PSMD13: variants seen among roughly 807,000 people sequenced by gnomAD.
The protein encoded by PSMD13 is 26S proteasome non-ATPase regulatory subunit 13.
Under a neutral mutation model 57.4 loss-of-function variants are expected in PSMD13, and 8 were observed. That is an observed-to-expected ratio of 0.14 (90% CI 0.08 to 0.25). The LOEUF (loss-of-function observed/expected upper bound fraction) is 0.25, where lower values mean the gene tolerates loss of function less well. Among genes scored for constraint, PSMD13 ranks in the 10% least tolerant of loss-of-function variants. The pLI is 1.00. For missense variants in PSMD13, 400 were observed against 461.5 expected, an observed-to-expected ratio of 0.87 and a Z score of 1.22; for synonymous variants, 193 against 168.2, an observed-to-expected ratio of 1.15 and a Z score of -1.14.
Position 251,841 on chromosome 11 carries a change from G to C in PSMD13, c.940G>C (p.Ala314Pro). Reference sequence around the variant, plus strand: ...ACAGGTGGAGCTTCTGGTGATGAAGGCCCTTTCGGTGGGGCTGGTGAAAGG... The same window carrying C: ...ACAGGTGGAGCTTCTGGTGATGAAGCCCCTTTCGGTGGGGCTGGTGAAAGG... ...VNEVELLVMK[A>P]LSVGLVKGSI... is the part of the protein sequence containing the mutation. Residue 314 changes from alanine to proline, a missense_variant, in exon 12 of 13, where the codon GCC becomes CCC. Physicochemically the swap from Ala to Pro is conservative, Grantham distance 27. Coordinates refer to ENST00000532097, the MANE Select transcript of PSMD13 (RefSeq NM_002817.4). The surrounding 1 kb of genome is among the most constrained non-coding windows in gnomAD (Gnocchi z 4.6). 6.2e-7 allele frequency: 1 copy of C among 1,614,158 alleles called. No individual in the cohort carries two copies. Among genetic ancestry groups the C allele is most frequent in the Non-Finnish European group, 8.5e-7 (1 of 1,179,990 alleles).
In PSMD13 at chr11:244,477, T is replaced by G; in HGVS notation, c.309+8T>G. The G allele has an allele frequency of 6.4e-7, 1 of 1,573,520 alleles. No homozygotes were observed. Among genetic ancestry groups the G allele is most frequent in the South Asian group, 1.1e-5 (1 of 89,312 alleles). On this transcript the variant is annotated splice_region_variant and intron_variant, in intron 5 of 12. Coordinates refer to ENST00000532097, the MANE Select transcript of PSMD13 (RefSeq NM_002817.4). Reference sequence around the variant, plus strand: ...GAAAAGACTCGTGAGAAGGTAAATGTGGCATGTGGGCAATACCTTTTAGTA... The same window carrying G: ...GAAAAGACTCGTGAGAAGGTAAATGGGGCATGTGGGCAATACCTTTTAGTA...
Position 236,993 on chromosome 11 carries a change from A to C in PSMD13, c.-57A>C. 2.1e-6 allele frequency: 3 copies of C among 1,447,308 alleles called. No homozygotes were observed. The highest frequency in any genetic ancestry group is 2.9e-6 in the Non-Finnish European group (3 of 1,034,378). 89.7% of individuals were successfully genotyped at this position (1,447,308 alleles called of 1,614,324 possible). A position where few individuals can be genotyped will look rare whatever the true frequency, so the allele number is the denominator to read the frequency against. ...AAGTGAGTGAGCATTTCCGGCAGCC[A>C]TCCCCGCGGTGCTGACATCCCGGTT... is the stretch of plus-strand genomic sequence containing the variant. On this transcript the variant is annotated 5_prime_UTR_variant, in exon 1 of 13. Transcript: ENST00000532097.
Position 251,173 on chromosome 11 carries a change from C to T in PSMD13, c.837+308C>T, listed in dbSNP as rs559660730. On this transcript the variant is annotated intron_variant, in intron 10 of 12. Transcript: ENST00000532097. This position sits in a 1 kb window ranked among gnomAD's most constrained non-coding sequence, Gnocchi z 4.6. ...ATGCAGTTGTTGCCTCATTGCATGTCGCTTCTTGTGTACACGCACATCTGT... is the reference window on the plus strand; with the variant it reads ...ATGCAGTTGTTGCCTCATTGCATGTTGCTTCTTGTGTACACGCACATCTGT... 2.2e-5 allele frequency: 10 copies of T among 459,496 alleles called. No individual in the cohort carries two copies. Among genetic ancestry groups the T allele is most frequent in the East Asian group, 2.0e-4 (5 of 25,476 alleles). 28.5% of individuals were successfully genotyped at this position (459,496 alleles called of 1,614,324 possible).
At chr11:249,546 G>A (rs1320281468) in intron 9 of PSMD13, among the ~76,000 whole-genome samples, 1 of 148,372 alleles carries the variant, frequency 6.7e-6, no homozygotes, top group Non-Finnish European at 1.5e-5. Flanking sequence ...TGGGTGCAGG[G>A]AGGGGGAGAG....
intron 6 of PSMD13, among the ~76,000 whole-genome samples, chr11:245,623 C>T (rs1370612988): frequency 6.7e-6 from 1 of 149,550 alleles, no homozygotes; most frequent in African/African-American, 2.5e-5. Flanking sequence ...GTGGCTGGTC[C>T]ACCTGGTTGA....
rs11246033 is a variant in PSMD13, at chr11:246,200, A to C, written c.397-1077A>C. ...TAAGTGTTTCACAACATATGTATCC[A>C]GTCTCCTATTGAAGAGATTTAGGGC... On this transcript the variant is annotated intron_variant, in intron 6 of 12. Transcript: ENST00000532097. 6.5e-3 allele frequency among the ~76,000 whole-genome samples: 990 copies of C among 152,314 alleles called. 1 individual carries two copies. The highest frequency in any genetic ancestry group is 0.011 in the Non-Finnish European group (751 of 68,024).
chr11:243,413 A>T (rs1488345106), intron 2 of PSMD13: 4 of 311,100 alleles, frequency 1.3e-5, no homozygotes, highest in Non-Finnish European at 2.6e-5. Flanking sequence ...CAACAGTCTT[A>T]CTTATGGGGA....
chr11:237,156 G>A lies in PSMD13; in HGVS notation c.95+12G>A. The A allele has an allele frequency of 6.2e-7, 1 of 1,607,534 alleles. No individual in the cohort carries two copies. Among genetic ancestry groups the A allele is most frequent in the Non-Finnish European group, 8.5e-7 (1 of 1,176,476 alleles). On this transcript the variant is annotated intron_variant, in intron 1 of 12. Transcript: ENST00000532097. ...CTCTACACGAAGAAGTGAGCGCCGA[G>A]CAGACGGGCCCTGGGCCCCGGCGAT...
intron 6 of PSMD13, 67 bp downstream of exon 6, chr11:244,828 A>G: frequency 1.5e-6 from 2 of 1,291,986 alleles, no homozygotes; most frequent in East Asian, 2.5e-5. Context: ...AAAAAAAATA[A>G]CCTATTTTTC....
rs771452316 is a variant in PSMD13 at position 244,174 on chromosome 11, T to A, written c.223T>A (p.Ser75Thr). The change falls in exon 4 of 13, where the codon TCC becomes ACC. Residue 75 changes from serine to threonine, a missense_variant. Coordinates refer to ENST00000532097, the MANE Select transcript of PSMD13 (RefSeq NM_002817.4). Reference protein sequence around the residue: ...SEFEHRVNPLSLVEIILHVVR... With the variant: ...SEFEHRVNPLTLVEIILHVVR... The stretch of plus-strand genomic sequence containing the variant: ...CTTTTATTTCAGGGTGAACCCTTTG[T>A]CCCTCGTGGAAATCATTCTTCATGT... The A allele has an allele frequency of 6.2e-7, 1 of 1,609,438 alleles. No individual in the cohort carries two copies. The highest frequency in any genetic ancestry group is 1.1e-5 in the South Asian group (1 of 90,932).
At chr11:242,758 C>T (rs990346664) in intron 2 of PSMD13, among the ~76,000 whole-genome samples, 10 of 151,952 alleles carry the variant, frequency 6.6e-5, no homozygotes, top group African/African-American at 1.7e-4. Context: ...ACAGTAGTAC[C>T]GCATACTTGA....
chr11:238,793 C>T (rs1859454127), intron 1 of PSMD13, among the ~76,000 whole-genome samples: 2 of 152,188 alleles, frequency 1.3e-5, no homozygotes, highest in Admixed American at 1.3e-4. Context: ...AATCTGAAAT[C>T]TGAGATGCTC....
intron 2 of PSMD13, among the ~76,000 whole-genome samples, chr11:242,859 A>G (rs55781332): frequency 0.16 from 24,387 of 151,756 alleles, 2,494 homozygotes; most frequent in Non-Finnish European, 0.22. Context: ...GCAATGGCAC[A>G]ATCTCAGCTC....
Position 250,856 on chromosome 11 carries a change from C to T in PSMD13, c.828C>T (p.Cys276=), listed in dbSNP as rs1173977476. The change falls in exon 10 of 13, where the codon TGC becomes TGT. Residue 276 remains cysteine (C), a synonymous_variant. Coordinates refer to ENST00000532097, the MANE Select transcript of PSMD13 (RefSeq NM_002817.4). ...AQLLRKIQLL[C]LMEMTFTRPA... is the part of the protein sequence containing the mutation. ...TTCTGAGGAAAATTCAGTTGTTGTGCCTCATGGAGGTAAGCGAACACCCAG... is the reference window on the plus strand; with the variant it reads ...TTCTGAGGAAAATTCAGTTGTTGTGTCTCATGGAGGTAAGCGAACACCCAG... 6.2e-7 allele frequency: 1 copy of T among 1,613,834 alleles called. No individual in the cohort carries two copies. Among genetic ancestry groups the T allele is most frequent in the South Asian group, 1.1e-5 (1 of 91,082 alleles).
rs760847525 is a variant in PSMD13, at chr11:251,930, G to A, written c.1029G>A (p.Leu343=). The A allele has an allele frequency of 1.2e-5, 20 of 1,612,986 alleles. No homozygotes were observed. In the Admixed American group the frequency reaches 3.2e-4, roughly 26 times the overall value. The part of the protein sequence containing the change: ...MTWVQPRVLD[L]QQIKGMKDRL... ...GGGTGCAGCCCCGAGTGTTGGATTT[G>A]CAACAGGTGATGTGTTTGAAACCCA... The change falls in exon 12 of 13, where the codon TTG becomes TTA. Residue 343 remains leucine (L), a synonymous_variant. Transcript: ENST00000532097. The surrounding 1 kb of genome is among the most constrained non-coding windows in gnomAD (Gnocchi z 4.6).
At chr11:242,724 T>G (rs1434156478) in intron 2 of PSMD13, among the ~76,000 whole-genome samples, 1 of 152,194 alleles carries the variant, frequency 6.6e-6, no homozygotes, top group Non-Finnish European at 1.5e-5. Context: ...TGATACAAAT[T>G]AGAAGCCTCC....
At chr11:249,921 T>C (rs1859738288) in intron 9 of PSMD13, among the ~76,000 whole-genome samples, 1 of 152,046 alleles carries the variant, frequency 6.6e-6, no homozygotes, top group African/African-American at 2.4e-5. Context: ...ATGAAGGCAC[T>C]GTGAAGAGGC....
chr11:252,941 C>T lies in PSMD13; in HGVS notation c.*341C>T, dbSNP rs6542. 0.11 allele frequency: 22,092 copies of T among 209,528 alleles called. 2,585 individuals carry two copies. Among genetic ancestry groups the T allele is most frequent in the East Asian group, 0.44 (4,187 of 9,556 alleles). The allele number at this position is 209,528 out of a possible 1,614,324, so 13.0% of individuals were successfully genotyped here. A position where few individuals can be genotyped will look rare whatever the true frequency, so the allele number is the denominator to read the frequency against. ...ACCTGTACGGACATCTTTTCCGTTG[C>T]GGTTTGAGAATGTTCCTATAATAAA... On this transcript the variant is annotated 3_prime_UTR_variant, in exon 13 of 13. Coordinates refer to ENST00000532097, the MANE Select transcript of PSMD13 (RefSeq NM_002817.4). This position sits in a 1 kb window ranked among gnomAD's most constrained non-coding sequence, Gnocchi z 4.1.
intron 6 of PSMD13, among the ~76,000 whole-genome samples, chr11:245,235 G>A (rs549685666): frequency 7.9e-5 from 12 of 152,216 alleles, no homozygotes; most frequent in East Asian, 1.9e-4. Flanking sequence ...GAGCCGCTGC[G>A]CCCAGCCCCC....
Sources: allele counts gnomAD v4.1 joint callset (sites outside exome capture counted in the v4.1 genomes callset), GRCh38; gene constraint gnomAD v4.1.1; non-coding constraint Gnocchi (gnomAD v3.1); transcripts MANE v1.5; gene names NCBI Gene and HGNC (gene_info 2026-07-23, HGNC 2026-07-21).